The following COPA variants were observed in gnomAD, a reference collection of about 807,000 sequenced individuals.
The protein encoded by COPA is coatomer subunit alpha.
A neutral mutation model predicts 158.7 loss-of-function variants in COPA; 10 were observed. The ratio of observed to expected loss-of-function variants is 0.06; its 90% CI spans 0.04 to 0.11. The LOEUF is 0.11. Among genes scored for constraint, COPA ranks in the 10% least tolerant of loss-of-function variants. COPA has a pLI of 1.00. For missense variants in COPA, 1,065 were observed against 1,536.7 expected, an observed-to-expected ratio of 0.69 and a Z score of 5.13; for synonymous variants, 462 against 542.8, an observed-to-expected ratio of 0.85 and a Z score of 2.07.
intron 24 of COPA, 87 bp downstream of exon 24, chr1:160,294,681 G>A: frequency 1.3e-6 from 2 of 1,591,412 alleles, no homozygotes; most frequent in South Asian, 2.2e-5. Context: ...TTCGTTTCAT[G>A]GCCTGGAAGT....
At chr1:160,302,451 G>A (rs1007195278) in intron 17 of COPA, among the ~76,000 whole-genome samples, 29 of 151,520 alleles carry the variant, frequency 1.9e-4, no homozygotes, top group Non-Finnish European at 1.5e-5. Context: ...AACACTGTAA[G>A]GACTGTAAAG....
chr1:160,321,370 G>A (rs974189713), intron 8 of COPA, among the ~76,000 whole-genome samples: 1 of 152,006 alleles, frequency 6.6e-6, no homozygotes, highest in Admixed American at 6.6e-5. Flanking sequence ...AACAAATAAA[G>A]GACAAACAAA....
At chr1:160,293,286 T>C (rs1449334706) in intron 26 of COPA, 52 bp from the exon 27 acceptor site, 1 of 1,612,504 alleles carries the variant, frequency 6.2e-7, no homozygotes, top group East Asian at 2.2e-5. Context: ...CCCTTCTCTA[T>C]TCTCCTCTGT....
intron 6 of COPA, among the ~76,000 whole-genome samples, chr1:160,328,458 G>A (rs956146092): frequency 4.6e-5 from 7 of 152,300 alleles, no homozygotes; most frequent in Admixed American, 2.6e-4. Flanking sequence ...CAAGCCGCTC[G>A]CTAGGACTGA....
At chr1:160,331,235 A>G (rs1045908409) in intron 6 of COPA, among the ~76,000 whole-genome samples, 15 of 152,196 alleles carry the variant, frequency 9.9e-5, no homozygotes, top group Non-Finnish European at 1.8e-4. Flanking sequence ...GATCTCCTCT[A>G]TATAAGACTA....
chr1:160,299,118 T>C lies in COPA; in HGVS notation c.1814A>G (p.Asn605Ser). 2 of 1,614,128 alleles carry C rather than the reference T, an allele frequency of 1.2e-6. No individual in the cohort carries two copies. The highest frequency in any genetic ancestry group is 2.2e-5 in the East Asian group (1 of 44,882). ...TEFKFKLALI[N>S]RKYDEVLHMV... ...ACTTCATACCTCATCATATTTTCTG[T>C]TGATCAGGGCCAGCTTGAATTTGAA... is the stretch of plus-strand genomic sequence containing the variant. Residue 605 changes from asparagine to serine, a missense_variant, in exon 18 of 33, where the codon AAC (asparagine) becomes AGC (serine). By Grantham distance (46) the Asn-to-Ser change is conservative. Transcript: ENST00000241704.
At chr1:160,307,057 C>T (rs184876069) in intron 14 of COPA, 106 bp downstream of exon 14, 9 of 1,107,756 alleles carry the variant, frequency 8.1e-6, no homozygotes, top group East Asian at 2.4e-5. Flanking sequence ...ATGAGAATCA[C>T]GGCTGCCCGG....
intron 6 of COPA, among the ~76,000 whole-genome samples, chr1:160,327,940 T>G (rs777973961): frequency 3.7e-4 from 56 of 152,234 alleles, no homozygotes; most frequent in Non-Finnish European, 6.3e-4. Flanking sequence ...GTTTAATAAC[T>G]GCATTTATAT....
At chr1:160,332,247 TAG>T (rs749748631) in intron 6 of COPA, among the ~76,000 whole-genome samples, 199 bp downstream of exon 6, 3 of 152,260 alleles carry the variant, frequency 2.0e-5, no homozygotes, top group Non-Finnish European at 2.9e-5. Flanking sequence ...ATGAATTTTC[TAG>T]AGTTACCTCT....
intron 14 of COPA, 51 bp from the exon 15 acceptor site, chr1:160,306,544 T>C: frequency 3.1e-6 from 5 of 1,596,776 alleles, no homozygotes; most frequent in Non-Finnish European, 4.3e-6. Context: ...GTATAGATGA[T>C]GATGACAACT....
chr1:160,330,372 G>A (rs1647455906), intron 6 of COPA, among the ~76,000 whole-genome samples: 1 of 152,160 alleles, frequency 6.6e-6, no homozygotes, highest in South Asian at 2.1e-4. Context: ...ACATCTGGGT[G>A]TACTTCAAAA....
intron 6 of COPA, among the ~76,000 whole-genome samples, chr1:160,327,461 C>T (rs1179427086): frequency 7.6e-4 from 16 of 21,044 alleles, no homozygotes; most frequent in East Asian, 9.0e-4. Flanking sequence ...TGCTTGAACC[C>T]GGGGGGCGGG....
chr1:160,307,037 C>G (rs965049484), intron 14 of COPA, 126 bp downstream of exon 14: 1 of 889,416 alleles, frequency 1.1e-6, no homozygotes, highest in South Asian at 1.4e-5. Flanking sequence ...GACAGAGGTA[C>G]AGCCAATACA....
intron 15 of COPA, 91 bp downstream of exon 15, chr1:160,306,263 A>G: frequency 2.7e-6 from 4 of 1,457,610 alleles, no homozygotes; most frequent in Non-Finnish European, 3.7e-6. Flanking sequence ...AAGCCACAAG[A>G]CAAACTCACT....
intron 8 of COPA, among the ~76,000 whole-genome samples, chr1:160,318,387 T>A (rs74125584): frequency 0.032 from 4,818 of 149,254 alleles, 265 homozygotes; most frequent in African/African-American, 0.11. Flanking sequence ...TCTTTTTGAT[T>A]TTATTTGTAC....
intron 3 of COPA, among the ~76,000 whole-genome samples, chr1:160,335,638 C>G (rs1647720768): frequency 6.6e-6 from 1 of 151,988 alleles, no homozygotes; most frequent in African/African-American, 2.4e-5. Context: ...AATCCCAGCA[C>G]TTTGGGAGGT....
intron 6 of COPA, among the ~76,000 whole-genome samples, chr1:160,329,628 A>G (rs1341748734): frequency 6.6e-6 from 1 of 152,168 alleles, no homozygotes; most frequent in Admixed American, 6.5e-5. Flanking sequence ...AGCCCTTCTC[A>G]ACCCGGCGTT....
intron 4 of COPA, 31 bp from the exon 5 acceptor site, chr1:160,333,710 C>T: frequency 6.5e-7 from 1 of 1,545,538 alleles, no homozygotes; most frequent in Non-Finnish European, 8.9e-7. Context: ...AGGCTTTAAA[C>T]ATTAAACAAA....
chr1:160,315,660 C>T (rs997939126), intron 8 of COPA, among the ~76,000 whole-genome samples: 3 of 152,216 alleles, frequency 2.0e-5, no homozygotes, highest in African/African-American at 7.2e-5. Flanking sequence ...AAAACCAAAG[C>T]AAGCCAAACA....
Sources: allele counts gnomAD v4.1 joint callset (sites outside exome capture counted in the v4.1 genomes callset), GRCh38; gene constraint gnomAD v4.1.1; transcripts MANE v1.5; gene names NCBI Gene and HGNC (gene_info 2026-07-23, HGNC 2026-07-21).